NOM1: variants seen among roughly 807,000 people sequenced by gnomAD.
NOM1 encodes nucleolar MIF4G domain-containing protein 1.
Under a neutral mutation model 73.3 loss-of-function variants are expected in NOM1, and 58 were observed. That is an observed-to-expected ratio of 0.79 (90% CI 0.64 to 0.99). The LOEUF (loss-of-function observed/expected upper bound fraction) is 0.99. NOM1 is among the 50% of genes least tolerant of loss of function. The pLI, the probability that NOM1 is intolerant of heterozygous loss-of-function variation, is 0.00. For synonymous variants in NOM1, 487 were observed against 446.8 expected, an observed-to-expected ratio of 1.09 and a Z score of -1.14; for missense variants, 1,226 against 1,131.9, an observed-to-expected ratio of 1.08 and a Z score of -1.19.
At position 156,963,491 on chromosome 7, in the gene NOM1, C is replaced by A. The variant is rs73741558; in HGVS notation, c.1911+316C>A. On this transcript the variant is annotated intron_variant, in intron 6 of 10. Transcript: ENST00000275820. ...CCCTCAGGCTGCCCCCCGGGCTGTG[C>A]ATTCTAGGCTACAGGCTATGGATTT... The A allele has an allele frequency of 4.8e-3, 2,187 of 456,578 alleles. 30 individuals are homozygous for A. The highest frequency in any genetic ancestry group is 0.039 in the African/African-American group (2,011 of 50,974). The allele number at this position is 456,578 out of a possible 1,614,324, so 28.3% of individuals were successfully genotyped here.
At chr7:156,959,756 A>G in intron 3 of NOM1, 95 bp from the exon 4 acceptor site, 2 of 1,239,978 alleles carry the variant, frequency 1.6e-6, no homozygotes, top group Non-Finnish European at 2.3e-6. Flanking sequence ...GCCTTGTGGC[A>G]CTTTGTTAAT....
rs746652044 is a variant in NOM1, at chr7:156,950,117, A to T, written c.380A>T (p.Glu127Val). ...GCCAGCGGTCACCGGCAGGACACGGAGGAGCGCGCCCGCCCAGCCCCTAGT... is the reference window on the plus strand; with the variant it reads ...GCCAGCGGTCACCGGCAGGACACGGTGGAGCGCGCCCGCCCAGCCCCTAGT... ...EEASGHRQDT[E>V]ERARPAPSRD... The change falls in exon 1 of 11, where the codon GAG becomes GTG. Residue 127 changes from glutamate (E) to valine (V), a missense_variant. Transcript: ENST00000275820. 2.6e-6 allele frequency: 4 copies of T among 1,554,370 alleles called. 1 individual carries two copies. In the South Asian group the frequency reaches 4.6e-5, roughly 18 times the overall value.
In NOM1 at chr7:156,963,096, T is replaced by C. The variant is rs1313163629; in HGVS notation, c.1832T>C (p.Ile611Thr). 6.2e-7 allele frequency: 1 copy of C among 1,613,980 alleles called. No homozygotes were observed. ...LSAEQTGRWW[I>T]VGSAWSGAPM... ...GCGGAGCAGACGGGTCGCTGGTGGA[T>C]TGTGGGGTCCGCCTGGAGTGGGGCC... The change falls in exon 6 of 11, where the codon ATT (isoleucine) becomes ACT (threonine). Residue 611 changes from isoleucine to threonine, a missense_variant. Transcript: ENST00000275820.
At position 156,966,312 on chromosome 7, in the gene NOM1, T is replaced by C; in HGVS notation, c.2076T>C (p.Val692=). 6.2e-7 allele frequency: 1 copy of C among 1,614,244 alleles called. No individual in the cohort carries two copies. Among genetic ancestry groups the C allele is most frequent in the Non-Finnish European group, 8.5e-7 (1 of 1,180,052 alleles). The stretch of plus-strand genomic sequence containing the variant: ...AGCAGGAGAGAGAAATCATTCACGT[T>C]CTCATGGATTGCTGCCTTCAAGAGA... ...KDQQEREIIH[V]LMDCCLQEKT... is the part of the protein sequence containing the mutation. The change falls in exon 8 of 11, where the codon GTT becomes GTC. Residue 692 remains valine (V), a synonymous_variant. Coordinates refer to ENST00000275820, the MANE Select transcript of NOM1 (RefSeq NM_138400.2).
chr7:156,966,045 G>A (rs903225409), intron 7 of NOM1: 3 of 570,284 alleles, frequency 5.3e-6, no homozygotes, highest in African/African-American at 3.8e-5. Flanking sequence ...CCCCTAGATG[G>A]TCTTGTCTCC....
chr7:156,969,085 A>T lies in NOM1; in HGVS notation c.2299-2A>T, dbSNP rs1257980665. ...TATTTTTCTCCATGTCCTGACCATT[A>T]GGTAGTTGAATTCAGTGAATTGGAC... On this transcript the variant is annotated splice_acceptor_variant, in intron 9 of 10. Coordinates refer to ENST00000275820, the MANE Select transcript of NOM1 (RefSeq NM_138400.2). LOFTEE classifies it high-confidence loss of function. 6.9e-7 allele frequency: 1 copy of T among 1,458,536 alleles called. No individual in the cohort carries two copies. The highest frequency in any genetic ancestry group is 9.6e-7 in the Non-Finnish European group (1 of 1,037,174). The allele number at this position is 1,458,536 out of a possible 1,614,324, so 90.3% of individuals were successfully genotyped here. A position where few individuals can be genotyped will look rare whatever the true frequency, so the allele number is the denominator to read the frequency against.
intron 3 of NOM1, chr7:156,958,809 C>T (rs957053448): frequency 6.6e-6 from 1 of 152,238 alleles, no homozygotes; most frequent in Non-Finnish European, 1.5e-5. Flanking sequence ...GGTTTACCTG[C>T]TGGTCCCCAT....
chr7:156,963,232 G>C (rs754218086), intron 6 of NOM1, 57 bp downstream of exon 6: 17 of 1,591,326 alleles, frequency 1.1e-5, no homozygotes, highest in African/African-American at 1.3e-5. Context: ...TGTGGTGTGT[G>C]GTCCTGGCTT....
intron 3 of NOM1, among the ~76,000 whole-genome samples, chr7:156,959,125 CAG>C (rs1398209112): frequency 6.8e-6 from 1 of 147,616 alleles, no homozygotes; most frequent in Non-Finnish European, 1.5e-5. Context: ...TTTTTTTACA[CAG>C]AGTCTTGCTC....
intron 7 of NOM1, 191 bp from the exon 8 acceptor site, chr7:156,966,079 G>A: frequency 4.6e-6 from 3 of 649,856 alleles, no homozygotes; most frequent in Non-Finnish European, 7.9e-6. Flanking sequence ...CACATTGTAG[G>A]AGAACCTGAG....
In NOM1 at chr7:156,949,767, C is replaced by G; in HGVS notation, c.30C>G (p.Ala10=). 5.7e-6 allele frequency: 8 copies of G among 1,400,562 alleles called. No homozygotes were observed. The highest frequency in any genetic ancestry group is 2.8e-5 in the East Asian group (1 of 35,988). The allele number at this position is 1,400,562 out of a possible 1,614,324, so 86.8% of individuals were successfully genotyped here. The change falls in exon 1 of 11, where the codon GCC becomes GCG. Residue 10 remains alanine (A), a synonymous_variant. Coordinates refer to ENST00000275820, the MANE Select transcript of NOM1 (RefSeq NM_138400.2). The part of the protein sequence containing the change: MAASRSAGE[A]GPGGSQGRVV... ...CGGCGTCCAGGAGCGCGGGAGAGGC[C>G]GGCCCGGGCGGCTCCCAGGGACGCG...
At chr7:156,960,655 A>T (rs1016542756) in intron 4 of NOM1, among the ~76,000 whole-genome samples, 1 of 152,222 alleles carries the variant, frequency 6.6e-6, no homozygotes, top group Non-Finnish European at 1.5e-5. Context: ...AGGGGGCATC[A>T]CAAGAGAAAA....
At chr7:156,963,520 A>G (rs1476470219) in intron 6 of NOM1, 2 of 398,018 alleles carry the variant, frequency 5.0e-6, no homozygotes, top group Admixed American at 7.8e-5. Flanking sequence ...TGGATTTCAC[A>G]TTGTGGAAAT....
At chr7:156,965,485 A>C (rs1049862754) in intron 7 of NOM1, among the ~76,000 whole-genome samples, 11 of 152,246 alleles carry the variant, frequency 7.2e-5, no homozygotes, top group Admixed American at 2.6e-4. Flanking sequence ...AGGGTGGCTC[A>C]CGGCCCCAGG....
chr7:156,954,816 C>A (rs979205937), intron 3 of NOM1, among the ~76,000 whole-genome samples: 2 of 152,136 alleles, frequency 1.3e-5, no homozygotes, highest in Non-Finnish European at 2.9e-5. Flanking sequence ...CCTGTTCTGT[C>A]CAGCCTAGCA....
At chr7:156,966,497 C>G (rs1563686163) in intron 8 of NOM1, 95 bp downstream of exon 8, 2 of 1,435,532 alleles carry the variant, frequency 1.4e-6, no homozygotes, top group Non-Finnish European at 1.9e-6. Context: ...TTCCCCAAGT[C>G]AGGAGGCCCC....
intron 9 of NOM1, among the ~76,000 whole-genome samples, chr7:156,968,061 C>T (rs1805045184): frequency 6.6e-6 from 1 of 152,194 alleles, no homozygotes; most frequent in Non-Finnish European, 1.5e-5. Flanking sequence ...ATCAGCATGC[C>T]GGCTCCAGTT....
intron 4 of NOM1, among the ~76,000 whole-genome samples, chr7:156,961,053 A>G (rs560848567): frequency 6.6e-6 from 1 of 152,248 alleles, no homozygotes; most frequent in Non-Finnish European, 1.5e-5. Flanking sequence ...CTGTGAACAG[A>G]GTGGGCTGAA....
At chr7:156,955,318 C>G (rs1263484900) in intron 3 of NOM1, among the ~76,000 whole-genome samples, 1 of 152,182 alleles carries the variant, frequency 6.6e-6, no homozygotes, top group Non-Finnish European at 1.5e-5. Flanking sequence ...CCAGTTCCCC[C>G]AAGGTAGCTG....
Sources: gnomAD v4.1 joint callset for allele counts (sites outside exome capture counted in the v4.1 genomes callset) on GRCh38, gnomAD v4.1.1 for gene constraint, MANE v1.5 for transcripts, NCBI Gene and HGNC (gene_info 2026-07-23, HGNC 2026-07-21) for gene names.